LHFPL3: variants seen among roughly 807,000 people sequenced by gnomAD.
LHFPL3 encodes LHFPL tetraspan subfamily member 3, also known as LHFPL tetraspan subfamily member 3 protein.
LHFPL3 carries 5 observed loss-of-function variants against 19.3 expected under a neutral mutation model. The ratio of observed to expected loss-of-function variants is 0.26; its 90% CI spans 0.14 to 0.54. The LOEUF is 0.54. Among genes scored for constraint, LHFPL3 ranks in the 20% least tolerant of loss-of-function variants. The probability of loss-of-function intolerance (pLI) is 0.94; values close to 1 mark genes in which losing one functional copy is unlikely to be tolerated. For missense variants in LHFPL3, 249 were observed against 307.4 expected, an observed-to-expected ratio of 0.81 and a Z score of 1.42; for synonymous variants, 133 against 126.2, an observed-to-expected ratio of 1.05 and a Z score of -0.36.
chr7:104,549,992 T>C (rs1020605000), intron 1 of LHFPL3, among the ~76,000 whole-genome samples: 6 of 152,244 alleles, frequency 3.9e-5, no homozygotes, highest in African/African-American at 1.4e-4. Context: ...TGATTTATTT[T>C]AAGGAATTGG....
intron 1 of LHFPL3, among the ~76,000 whole-genome samples, chr7:104,571,606 T>A (rs183141909): frequency 3.3e-5 from 5 of 152,332 alleles, no homozygotes; most frequent in Admixed American, 1.3e-4. Context: ...TGGGTCGGGT[T>A]ATATGAAAAT....
chr7:104,777,772 G>A (rs956339103), intron 2 of LHFPL3, among the ~76,000 whole-genome samples: 3 of 147,878 alleles, frequency 2.0e-5, no homozygotes, highest in Non-Finnish European at 4.5e-5. Flanking sequence ...TTTTCCCTTC[G>A]TTCCCTTTCT....
chr7:104,374,539 C>A (rs1790672824), intron 1 of LHFPL3, among the ~76,000 whole-genome samples: 1 of 152,108 alleles, frequency 6.6e-6, no homozygotes, highest in African/African-American at 2.4e-5. Context: ...TGCACCCAGC[C>A]TCTATATATG....
chr7:104,577,322 G>A (rs976971985), intron 1 of LHFPL3, among the ~76,000 whole-genome samples: 4 of 152,128 alleles, frequency 2.6e-5, no homozygotes, highest in Admixed American at 1.3e-4. Flanking sequence ...GAGGGCATGG[G>A]AGAATGTCAG....
chr7:104,490,743 A>C (rs943641254), intron 1 of LHFPL3, among the ~76,000 whole-genome samples: 5 of 152,206 alleles, frequency 3.3e-5, no homozygotes, highest in Admixed American at 2.6e-4. Context: ...TCTTGCCAAA[A>C]ATATTGCTCA....
At position 104,382,872 on chromosome 7, in the gene LHFPL3, CTT is replaced by C. The variant is rs576727176; in HGVS notation, c.445+53650_445+53651del. ...GATTAGTCAGCAGGTTACTTCACCT[CTT>C]TATGGCTCAGTTTTCTCATCTGCAA... On this transcript the variant is annotated intron_variant, in intron 1 of 2. Coordinates refer to ENST00000424859, the MANE Select transcript of LHFPL3 (RefSeq NM_199000.3). Among the ~76,000 whole-genome samples the C allele has an allele frequency of 1.7e-4, 26 of 152,220 alleles. No individual in the cohort carries two copies. The South Asian group carries it at 5.4e-3, about 32-fold the overall frequency.
At chr7:104,466,649 A>C (rs1362390312) in intron 1 of LHFPL3, among the ~76,000 whole-genome samples, 1 of 152,216 alleles carries the variant, frequency 6.6e-6, no homozygotes, top group African/African-American at 2.4e-5. Flanking sequence ...TGACTGAAGC[A>C]AACTGGCTTT....
chr7:104,670,570 C>A (rs149699750), intron 1 of LHFPL3, among the ~76,000 whole-genome samples: 251 of 152,270 alleles, frequency 1.6e-3, no homozygotes, highest in African/African-American at 4.3e-3. Flanking sequence ...TCTCTCTCAG[C>A]CATGGAGAAC....
intron 1 of LHFPL3, among the ~76,000 whole-genome samples, chr7:104,428,320 A>G (rs950904842): frequency 1.3e-5 from 2 of 152,192 alleles, no homozygotes; most frequent in Non-Finnish European, 2.9e-5. Context: ...TGTGTCATGC[A>G]TATCCAAGAA....
chr7:104,491,444 T>G (rs924876068), intron 1 of LHFPL3, among the ~76,000 whole-genome samples: 2 of 151,228 alleles, frequency 1.3e-5, no homozygotes, highest in East Asian at 3.9e-4. Context: ...CTGTCACCCT[T>G]GGCAAATAGC....
intron 1 of LHFPL3, among the ~76,000 whole-genome samples, chr7:104,631,408 G>A (rs146650998): frequency 4.4e-4 from 67 of 151,984 alleles, no homozygotes; most frequent in Middle Eastern, 3.4e-3. Context: ...AGCATGACCC[G>A]TGGCTGAGAA....
chr7:104,479,178 C>T (rs1490827236), intron 1 of LHFPL3, among the ~76,000 whole-genome samples: 1 of 152,150 alleles, frequency 6.6e-6, no homozygotes, highest in Admixed American at 6.5e-5. Flanking sequence ...AAAGAGTGGG[C>T]TCAGTTTACT....
intron 1 of LHFPL3, among the ~76,000 whole-genome samples, chr7:104,400,135 A>AAG (rs1791284818): frequency 7.3e-6 from 1 of 136,508 alleles, no homozygotes. Flanking sequence ...AAAAAAAAAA[A>AAG]AAAAAAAAAA....
At chr7:104,692,208 T>C (rs991459649) in intron 1 of LHFPL3, among the ~76,000 whole-genome samples, 1 of 152,198 alleles carries the variant, frequency 6.6e-6, no homozygotes, top group Non-Finnish European at 1.5e-5. Context: ...TTGGAACTTA[T>C]GTTTAAAAGG....
intron 2 of LHFPL3, among the ~76,000 whole-genome samples, chr7:104,786,352 T>G (rs1040236237): frequency 2.7e-4 from 41 of 152,214 alleles, no homozygotes. Context: ...TTGCTCAGCT[T>G]CCTCATCTGT....
At chr7:104,839,506 A>G in intron 2 of LHFPL3, among the ~76,000 whole-genome samples, 1 of 152,150 alleles carries the variant, frequency 6.6e-6, no homozygotes, top group East Asian at 1.9e-4. Flanking sequence ...CCTCTCTACT[A>G]GAAATACAAA....
intron 1 of LHFPL3, among the ~76,000 whole-genome samples, chr7:104,651,140 A>T (rs776481746): frequency 2.0e-5 from 3 of 152,180 alleles, no homozygotes; most frequent in African/African-American, 7.2e-5. Context: ...AGGGAAGTTT[A>T]TCAGATCTTT....
chr7:104,728,822 G>A (rs896836984), intron 1 of LHFPL3, among the ~76,000 whole-genome samples: 1 of 152,092 alleles, frequency 6.6e-6, no homozygotes, highest in Non-Finnish European at 1.5e-5. Flanking sequence ...CTAGCACCAA[G>A]AACAGTGCTT....
intron 2 of LHFPL3, among the ~76,000 whole-genome samples, chr7:104,807,227 G>T (rs1182196150): frequency 6.6e-6 from 1 of 152,074 alleles, no homozygotes; most frequent in Admixed American, 6.5e-5. Flanking sequence ...CACAGAGAGA[G>T]CACCATGTGA....
Sources: gnomAD v4.1 joint callset for allele counts (sites outside exome capture counted in the v4.1 genomes callset) on GRCh38, gnomAD v4.1.1 for gene constraint, MANE v1.5 for transcripts, NCBI Gene and HGNC (gene_info 2026-07-23, HGNC 2026-07-21) for gene names.